TMEM164: variants seen among roughly 807,000 people sequenced by gnomAD.
TMEM164 encodes the protein RP13-360B22.2.
A neutral mutation model predicts 18.8 loss-of-function variants in TMEM164; 4 were observed. The observed-to-expected ratio is 0.21, with a 90% confidence interval of 0.10 to 0.49. The LOEUF (loss-of-function observed/expected upper bound fraction) is 0.49. Among genes scored for constraint, TMEM164 ranks in the 20% least tolerant of loss-of-function variants. TMEM164 has a pLI of 0.98. For missense variants in TMEM164, 108 were observed against 239.9 expected, an observed-to-expected ratio of 0.45 and a Z score of 3.63; for synonymous variants, 86 against 101.7, an observed-to-expected ratio of 0.85 and a Z score of 0.93.
At chrX:110,105,603 C>A (rs1222566475) in intron 3 of TMEM164, among the ~76,000 whole-genome samples, 1 of 108,193 alleles carries the variant, frequency 9.2e-6, no homozygotes, top group Non-Finnish European at 1.9e-5. Flanking sequence ...TAGGCATGAC[C>A]TTCCTTGCCC....
chrX:110,067,239 T>C, intron 2 of TMEM164, 108 bp from the exon 3 acceptor site: 1 of 789,830 alleles, frequency 1.3e-6, no homozygotes, highest in South Asian at 2.2e-5. Flanking sequence ...TTATATTACA[T>C]TATTGTGTTA....
chrX:110,175,928 A>G lies in TMEM164; in HGVS notation c.*2477A>G, dbSNP rs2067284172. On this transcript the variant is annotated 3_prime_UTR_variant, in exon 7 of 7. Coordinates refer to ENST00000372068, the MANE Select transcript of TMEM164 (RefSeq NM_032227.4). ...GCCCACCTTATAGGGTAGCCCTCAT[A>G]TCTGCCCTGTGCCGGCCCTCTACTG... 2 of 756,084 alleles carry G rather than the reference A, an allele frequency of 2.6e-6. No homozygotes were observed. Among genetic ancestry groups the G allele is most frequent in the South Asian group, 6.7e-5 (1 of 14,913 alleles). The allele number at this position is 756,084 out of a possible 1,213,427, so 62.3% of individuals were successfully genotyped here. A position where few individuals can be genotyped will look rare whatever the true frequency, so the allele number is the denominator to read the frequency against.
chrX:110,128,649 C>A (rs1007810386), intron 4 of TMEM164, among the ~76,000 whole-genome samples: 1 of 111,303 alleles, frequency 9.0e-6, no homozygotes, highest in Non-Finnish European at 1.9e-5. Flanking sequence ...CTTCTGGGAC[C>A]ACATTTTAGA....
At chrX:110,128,060 C>T (rs1303726094) in intron 4 of TMEM164, among the ~76,000 whole-genome samples, 1 of 112,505 alleles carries the variant, frequency 8.9e-6, no homozygotes, top group Admixed American at 9.4e-5. Context: ...AATAAAAGTA[C>T]TTATTTTTCT....
intron 2 of TMEM164, among the ~76,000 whole-genome samples, chrX:110,063,193 C>T (rs1177890337): frequency 2.7e-5 from 3 of 111,801 alleles, no homozygotes; most frequent in Non-Finnish European, 5.6e-5. Flanking sequence ...CTCTGTTTCC[C>T]TTTCATTTAG....
At chrX:110,106,373 C>CTTT (rs533400529) in intron 3 of TMEM164, among the ~76,000 whole-genome samples, 6 of 92,928 alleles carry the variant, frequency 6.5e-5, no homozygotes, top group African/African-American at 2.4e-4. Flanking sequence ...CAGAATCCAG[C>CTTT]TTTTTTTTTT....
intron 2 of TMEM164, among the ~76,000 whole-genome samples, chrX:110,044,593 C>CTTTTTTTTT (rs56400284): frequency 1.1e-4 from 4 of 35,956 alleles, no homozygotes; most frequent in East Asian, 1.4e-3. Context: ...CCATTCCTTG[C>CTTTTTTTTT]TTTTTTTTTT....
intron 2 of TMEM164, among the ~76,000 whole-genome samples, chrX:110,014,695 G>T (rs1239348349): frequency 9.3e-6 from 1 of 107,843 alleles, no homozygotes; most frequent in East Asian, 2.9e-4. Flanking sequence ...GAGCTTGGGG[G>T]AATGGGGTGG....
chrX:110,030,701 C>G (rs1436646805), intron 2 of TMEM164, among the ~76,000 whole-genome samples: 4 of 105,409 alleles, frequency 3.8e-5, no homozygotes, highest in Non-Finnish European at 7.8e-5. Context: ...ATCCCAGATA[C>G]TAGGGAGGCT....
chrX:110,118,657 A>T (rs2148000072), intron 4 of TMEM164, among the ~76,000 whole-genome samples: 1 of 111,556 alleles, frequency 9.0e-6, no homozygotes, highest in South Asian at 3.7e-4. Context: ...TCATTTCAGT[A>T]CACACACATG....
chrX:110,004,246 C>G, intron 2 of TMEM164, 82 bp downstream of exon 2: 1 of 1,060,054 alleles, frequency 9.4e-7, no homozygotes, highest in Non-Finnish European at 1.3e-6. Flanking sequence ...TGTACAGCAC[C>G]TCATCCCGGC....
chrX:110,046,196 T>C, intron 2 of TMEM164: 1 of 754,832 alleles, frequency 1.3e-6, no homozygotes, highest in Non-Finnish European at 1.6e-6. Flanking sequence ...GCTGACGTTA[T>C]GGGCTTTGAA....
chrX:110,109,032 G>A, intron 3 of TMEM164, 48 bp from the exon 4 acceptor site: 1 of 1,144,585 alleles, frequency 8.7e-7, no homozygotes, highest in East Asian at 3.0e-5. Flanking sequence ...TTCTCCCTTT[G>A]TATCAGGGTC....
At chrX:110,069,056 C>T (rs1269588969) in intron 3 of TMEM164, among the ~76,000 whole-genome samples, 1 of 111,572 alleles carries the variant, frequency 9.0e-6, no homozygotes, top group Admixed American at 9.6e-5. Context: ...TATTAATGAA[C>T]ATTTACTTTC....
chrX:110,130,355 G>A (rs189479743), intron 4 of TMEM164, among the ~76,000 whole-genome samples: 1 of 111,963 alleles, frequency 8.9e-6, no homozygotes, highest in East Asian at 2.8e-4. Context: ...GGCTCTGTAA[G>A]TTACGTTGGG....
rs1933018499 is a variant in TMEM164 at position 110,011,767 on chromosome X, T to A, written c.390+7603T>A. On this transcript the variant is annotated intron_variant, in intron 2 of 6. Transcript: ENST00000372068. Reference sequence around the variant, plus strand: ...ATGGGAATCTGCATTTATAAGAAACTCCCAGATGATTCTAATGCCTGTGAG... The same window carrying A: ...ATGGGAATCTGCATTTATAAGAAACACCCAGATGATTCTAATGCCTGTGAG... Among the ~76,000 whole-genome samples the A allele has an allele frequency of 2.7e-5, 3 of 112,116 alleles. 1 individual carries two copies. In the Admixed American group the frequency reaches 2.8e-4, roughly 11 times the overall value.
At chrX:110,118,717 G>A (rs2066406859) in intron 4 of TMEM164, among the ~76,000 whole-genome samples, 1 of 110,975 alleles carries the variant, frequency 9.0e-6, no homozygotes, top group Non-Finnish European at 1.9e-5. Flanking sequence ...CACTTTATGA[G>A]GCAAAATGTG....
At chrX:110,156,407 A>C (rs1271026463) in intron 5 of TMEM164, among the ~76,000 whole-genome samples, 1 of 112,007 alleles carries the variant, frequency 8.9e-6, no homozygotes, top group African/African-American at 3.2e-5. Flanking sequence ...TTGGATATTG[A>C]TTTATTTTAT....
At chrX:110,141,214 G>T in intron 4 of TMEM164, among the ~76,000 whole-genome samples, 1 of 111,896 alleles carries the variant, frequency 8.9e-6, no homozygotes, top group South Asian at 3.7e-4. Flanking sequence ...CTGTCCCTGT[G>T]CCTATTGCTG....
Sources: allele counts gnomAD v4.1 joint callset (sites outside exome capture counted in the v4.1 genomes callset), GRCh38; gene constraint gnomAD v4.1.1; transcripts MANE v1.5; gene names NCBI Gene and HGNC (gene_info 2026-07-23, HGNC 2026-07-21).